Variants in MTMR7 observed in about 807,000 individuals in gnomAD.
MTMR7 encodes phosphatidylinositol-3-phosphate phosphatase MTMR7.
MTMR7 carries 76 observed loss-of-function variants against 81.2 expected under a neutral mutation model. That is an observed-to-expected ratio of 0.94 (90% CI 0.78 to 1.13). The LOEUF (loss-of-function observed/expected upper bound fraction) is 1.13, where lower values mean the gene tolerates loss of function less well. Ranked by LOEUF, MTMR7 falls within the 50% of genes most tolerant of loss-of-function variation. MTMR7 has a pLI of 0.00. For missense variants in MTMR7, 1,044 were observed against 820.0 expected (o/e 1.27, Z -3.34); for synonymous variants, 372 against 289.8 (o/e 1.28, Z -2.88).
chr8:17,310,267 C>T (rs1817709710), intron 9 of MTMR7, among the ~76,000 whole-genome samples: 1 of 152,076 alleles, frequency 6.6e-6, no homozygotes. Context: ...TCCCAAAATG[C>T]TGGGATTACA....
chr8:17,356,092 G>GTTAT (rs1365114230), intron 4 of MTMR7, among the ~76,000 whole-genome samples: 1 of 152,238 alleles, frequency 6.6e-6, no homozygotes, highest in African/African-American at 2.4e-5. Context: ...ACCACTCTAG[G>GTTAT]TTATCACTTT....
chr8:17,412,275 C>T (rs1821755713), intron 1 of MTMR7, among the ~76,000 whole-genome samples: 1 of 152,136 alleles, frequency 6.6e-6, no homozygotes, highest in African/African-American at 2.4e-5. Flanking sequence ...TGCCCCCACC[C>T]CTCTTAAATG....
At chr8:17,374,563 G>C (rs2093587066) in intron 1 of MTMR7, among the ~76,000 whole-genome samples, 1 of 152,150 alleles carries the variant, frequency 6.6e-6, no homozygotes, top group South Asian at 2.1e-4. Flanking sequence ...GGAGGTTGCA[G>C]TGCGCTGAGA....
chr8:17,369,305 C>T (rs59304518), intron 3 of MTMR7, among the ~76,000 whole-genome samples: 12,441 of 152,166 alleles, frequency 0.082, 1,604 homozygotes, highest in African/African-American at 0.27. Flanking sequence ...ATGAAAAAGC[C>T]TCAACCAACT....
chr8:17,383,026 TGG>T (rs10548216), intron 1 of MTMR7, among the ~76,000 whole-genome samples: 15,330 of 149,984 alleles, frequency 0.1, 1,592 homozygotes, highest in African/African-American at 0.26. Flanking sequence ...CTCCGAGATA[TGG>T]GGGGGCCGGG....
At chr8:17,404,148 A>G (rs777071592) in intron 1 of MTMR7, among the ~76,000 whole-genome samples, 61 of 152,352 alleles carry the variant, frequency 4.0e-4, no homozygotes, top group Non-Finnish European at 6.8e-4. Context: ...GAGTGGCAAA[A>G]ATGGAAAGGG....
intron 7 of MTMR7, among the ~76,000 whole-genome samples, chr8:17,330,130 G>A (rs1818920910): frequency 6.6e-6 from 1 of 152,210 alleles, no homozygotes; most frequent in Non-Finnish European, 1.5e-5. Flanking sequence ...TGGAAATTAG[G>A]CCTGTTTGTG....
chr8:17,314,050 A>G (rs971338552), intron 7 of MTMR7, among the ~76,000 whole-genome samples: 1 of 152,206 alleles, frequency 6.6e-6, no homozygotes. Context: ...AGTGGTATCT[A>G]TATTTACACA....
chr8:17,347,356 A>G (rs528144566), intron 5 of MTMR7, among the ~76,000 whole-genome samples: 2 of 152,306 alleles, frequency 1.3e-5, no homozygotes, highest in East Asian at 3.9e-4. Flanking sequence ...TTTTTATCCA[A>G]TTCACAGAAC....
At chr8:17,303,754 C>G (rs558815573) in intron 12 of MTMR7, among the ~76,000 whole-genome samples, 1 of 152,146 alleles carries the variant, frequency 6.6e-6, no homozygotes, top group South Asian at 2.1e-4. Flanking sequence ...GGATTACAGG[C>G]GCTCACCACC....
intron 9 of MTMR7, among the ~76,000 whole-genome samples, chr8:17,311,219 T>C (rs530637208): frequency 7.2e-5 from 11 of 152,190 alleles, no homozygotes; most frequent in Non-Finnish European, 1.3e-4. Flanking sequence ...GCAAATGATA[T>C]ATAAAATTGG....
intron 1 of MTMR7, among the ~76,000 whole-genome samples, chr8:17,411,109 A>C (rs1585131766): frequency 6.6e-6 from 1 of 152,342 alleles, no homozygotes; most frequent in East Asian, 1.9e-4. Flanking sequence ...AGACTGTGAA[A>C]ATTAATTTTG....
intron 7 of MTMR7, among the ~76,000 whole-genome samples, chr8:17,319,769 G>A (rs1398111243): frequency 6.6e-6 from 1 of 152,018 alleles, no homozygotes; most frequent in Non-Finnish European, 1.5e-5. Context: ...GCTCCAGTCT[G>A]GCTCCAGTCT....
In MTMR7 at chr8:17,305,791, G is replaced by A. The variant is rs1817410808; in HGVS notation, c.1318C>T (p.Leu440=). The stretch of plus-strand genomic sequence containing the variant: ...CGTCTCTCCTTTTGGCTGTTACATA[G>A]GAAGTTTCCAAACTGGCAGGAATAA... ...HIYSCQFGNF[L]CNSQKERREL... is the part of the protein sequence containing the mutation. The change falls in exon 11 of 14, where the codon CTA becomes TTA. Residue 440 remains leucine (L), a synonymous_variant. Transcript: ENST00000180173. The A allele has an allele frequency of 2.5e-6, 4 of 1,613,388 alleles. No homozygotes were observed. The African/African-American group carries it at 5.3e-5, about 22-fold the overall frequency.
chr8:17,298,619 T>C lies in MTMR7; in HGVS notation c.*1243A>G, dbSNP rs939206191. ...TTAATCCTTTCACATATTCAAAATATTGATCTAAATTGTAAAGTTTAATCC... is the reference window on the plus strand; with the variant it reads ...TTAATCCTTTCACATATTCAAAATACTGATCTAAATTGTAAAGTTTAATCC... On this transcript the variant is annotated 3_prime_UTR_variant, in exon 14 of 14. Coordinates refer to ENST00000180173, the MANE Select transcript of MTMR7 (RefSeq NM_004686.5). 3 of 152,568 alleles carry C rather than the reference T, an allele frequency of 2.0e-5. No homozygotes were observed. The highest frequency in any genetic ancestry group is 6.5e-5 in the Admixed American group (1 of 15,272). The allele number at this position is 152,568 out of a possible 1,614,324, so 9.5% of individuals were successfully genotyped here. A position where few individuals can be genotyped will look rare whatever the true frequency, so the allele number is the denominator to read the frequency against.
intron 1 of MTMR7, among the ~76,000 whole-genome samples, chr8:17,379,107 G>C (rs1293774377): frequency 6.6e-6 from 1 of 152,148 alleles, no homozygotes; most frequent in African/African-American, 2.4e-5. Flanking sequence ...TTTTAAGAGA[G>C]AGGGAGTGTC....
At chr8:17,343,690 C>T (rs947686323) in intron 5 of MTMR7, among the ~76,000 whole-genome samples, 15 of 151,982 alleles carry the variant, frequency 9.9e-5, no homozygotes, top group Admixed American at 3.3e-4. Context: ...GGAATGTGGT[C>T]GATAAATTAA....
intron 5 of MTMR7, among the ~76,000 whole-genome samples, chr8:17,341,845 C>A (rs899995902): frequency 6.6e-6 from 1 of 152,116 alleles, no homozygotes; most frequent in Admixed American, 6.5e-5. Flanking sequence ...AAATAAATAA[C>A]CGTTCTCAAA....
intron 7 of MTMR7, among the ~76,000 whole-genome samples, chr8:17,322,854 C>T (rs1234359164): frequency 6.6e-6 from 1 of 151,912 alleles, no homozygotes; most frequent in African/African-American, 2.4e-5. Flanking sequence ...ATGTGTGTGC[C>T]CATTTCTGTT....
Sources: allele counts gnomAD v4.1 joint callset (sites outside exome capture counted in the v4.1 genomes callset), GRCh38; gene constraint gnomAD v4.1.1; transcripts MANE v1.5; gene names NCBI Gene and HGNC (gene_info 2026-07-23, HGNC 2026-07-21).